NOBOX: variants seen among roughly 807,000 people sequenced by gnomAD.
NOBOX encodes the protein NOBOX oogenesis homeobox.
A neutral mutation model predicts 60.2 loss-of-function variants in NOBOX; 46 were observed. The observed-to-expected ratio is 0.76, with a 90% confidence interval of 0.60 to 0.98. The LOEUF (loss-of-function observed/expected upper bound fraction) is 0.98. Ranked by LOEUF, NOBOX falls within the 50% of genes least tolerant of loss-of-function variation. The pLI, the probability that NOBOX is intolerant of heterozygous loss-of-function variation, is 0.00. For synonymous variants in NOBOX, 360 were observed against 346.3 expected, an observed-to-expected ratio of 1.04 and a Z score of -0.44; for missense variants, 880 against 865.5, an observed-to-expected ratio of 1.02 and a Z score of -0.21.
At position 144,399,868 on chromosome 7, in the gene NOBOX, G is replaced by C. The variant is rs775716064; in HGVS notation, c.1048-5C>G. The C allele has an allele frequency of 1.2e-6, 2 of 1,602,208 alleles. No homozygotes were observed. Among genetic ancestry groups the C allele is most frequent in the South Asian group, 1.1e-5 (1 of 90,324 alleles). ...CCGGCGATTCTGGAACCACACCTAT[G>C]GGGGGAAAGGTGCTTGAAGAACTGG... On this transcript the variant is annotated splice_region_variant and splice_polypyrimidine_tract_variant and intron_variant, in intron 5 of 9. Transcript: ENST00000467773.
At chr7:144,399,936 C>T (rs543598970) in intron 5 of NOBOX, 73 bp from the exon 4 acceptor site, 5 of 1,351,008 alleles carry the variant, frequency 3.7e-6, no homozygotes, top group Middle Eastern at 1.8e-4. Flanking sequence ...GGCTGTTGCA[C>T]AAGGAGCTAC....
intron 1 of NOBOX, among the ~76,000 whole-genome samples, chr7:144,406,892 G>A (rs2053989242): frequency 6.6e-6 from 1 of 152,118 alleles, no homozygotes; most frequent in Non-Finnish European, 1.5e-5. Context: ...ACTTGGGGCT[G>A]TTTCTTCCTA....
At chr7:144,408,404 A>G (rs1054611172) in intron 1 of NOBOX, among the ~76,000 whole-genome samples, 3 of 152,102 alleles carry the variant, frequency 2.0e-5, no homozygotes, top group African/African-American at 7.2e-5. Context: ...CACTGCATAC[A>G]GGCTGAACTG....
In NOBOX at chr7:144,399,104, T is replaced by C. The variant is rs928182623; in HGVS notation, c.1315A>G (p.Thr439Ala). The change falls in exon 8 of 10, where the codon ACC becomes GCC. Residue 439 changes from threonine (T) to alanine (A), a missense_variant. Thr to Ala is a moderately conservative substitution (Grantham distance 58). Coordinates refer to ENST00000467773, the MANE Select transcript of NOBOX (RefSeq NM_001080413.3). Reference sequence around the variant, plus strand: ...GGTGGGGGGCTGAAGAGTGGGGGGGTCACCACCCTCTGAGCACCCTCACTG... The same window carrying C: ...GGTGGGGGGCTGAAGAGTGGGGGGGCCACCACCCTCTGAGCACCCTCACTG... 25 of 1,133,420 alleles carry C rather than the reference T, an allele frequency of 2.2e-5. No individual in the cohort carries two copies. Among genetic ancestry groups the C allele is most frequent in the African/African-American group, 2.2e-4 (14 of 64,130 alleles). The allele number at this position is 1,133,420 out of a possible 1,614,324, so 70.2% of individuals were successfully genotyped here.
chr7:144,401,726 G>T lies in NOBOX; in HGVS notation c.293-129C>A. 1 of 1,065,982 alleles carries T rather than the reference G, an allele frequency of 9.4e-7. No individual in the cohort carries two copies. The highest frequency in any genetic ancestry group is 1.3e-6 in the Non-Finnish European group (1 of 746,552). The allele number at this position is 1,065,982 out of a possible 1,614,324, so 66.0% of individuals were successfully genotyped here. A position where few individuals can be genotyped will look rare whatever the true frequency, so the allele number is the denominator to read the frequency against. ...TTAATTTGTCTACCTATCAAATGGG[G>T]TAATAATTCCACACTTACCTTCCTA... On this transcript the variant is annotated intron_variant, in intron 3 of 9. Transcript: ENST00000467773. The surrounding 1 kb of genome is among the most constrained non-coding windows in gnomAD (Gnocchi z 4.2).
At position 144,399,119 on chromosome 7, in the gene NOBOX, C is replaced by T. The variant is rs749761088; in HGVS notation, c.1300G>A (p.Ala434Thr). Residue 434 changes from alanine to threonine, a missense_variant, in exon 8 of 10, where the codon GCT becomes ACT. Ala to Thr is a moderately conservative substitution (Grantham distance 58). Transcript: ENST00000467773. Reference sequence around the variant, plus strand: ...AGTGGGGGGGTCACCACCCTCTGAGCACCCTCACTGGGTTGGGTGGGGGCC... The same window carrying T: ...AGTGGGGGGGTCACCACCCTCTGAGTACCCTCACTGGGTTGGGTGGGGGCC... 1.3e-6 allele frequency: 2 copies of T among 1,556,216 alleles called. No individual in the cohort carries two copies. The highest frequency in any genetic ancestry group is 1.4e-5 in the African/African-American group (1 of 74,006).
chr7:144,408,567 T>C (rs1286603202), intron 1 of NOBOX, among the ~76,000 whole-genome samples: 1 of 152,208 alleles, frequency 6.6e-6, no homozygotes, highest in African/African-American at 2.4e-5. Flanking sequence ...CCCCATCTTA[T>C]TGAAGAAAAT....
intron 1 of NOBOX, among the ~76,000 whole-genome samples, chr7:144,408,189 G>A (rs918441802): frequency 1.3e-5 from 2 of 149,884 alleles, no homozygotes; most frequent in African/African-American, 4.9e-5. Flanking sequence ...TTTAGAAATC[G>A]CCATGCCTTC....
intron 4 of NOBOX, 119 bp downstream of exon 2, chr7:144,400,927 G>T: frequency 2.6e-6 from 2 of 778,720 alleles, no homozygotes; most frequent in Non-Finnish European, 1.9e-6. Flanking sequence ...AATCCGGGAC[G>T]AAGTGACATA....
At chr7:144,400,935 A>G (rs905573350) in intron 4 of NOBOX, 111 bp downstream of exon 2, 26 of 885,880 alleles carry the variant, frequency 2.9e-5, no homozygotes, top group Non-Finnish European at 4.0e-5. Context: ...ACGAAGTGAC[A>G]TACAAACTAA....
chr7:144,404,716 A>G (rs1352481166), intron 1 of NOBOX: 1 of 1,605,864 alleles, frequency 6.2e-7, no homozygotes, highest in East Asian at 2.2e-5. Flanking sequence ...GTTTCCATCC[A>G]TTTGGTGTTT....
chr7:144,403,859 G>T (rs1448507796), intron 2 of NOBOX, among the ~76,000 whole-genome samples, 166 bp from the exon 1 acceptor site: 4 of 151,806 alleles, frequency 2.6e-5, no homozygotes, highest in African/African-American at 9.7e-5. Context: ...GGGCGAGGCC[G>T]GCCCGGGAGG....
At chr7:144,407,653 C>CA (rs1335046311) in intron 1 of NOBOX, among the ~76,000 whole-genome samples, 2 of 152,216 alleles carry the variant, frequency 1.3e-5, no homozygotes, top group Non-Finnish European at 2.9e-5. Context: ...GAGACACTGG[C>CA]AACTGCCAAA....
At position 144,401,457 on chromosome 7, in the gene NOBOX, C is replaced by A; in HGVS notation, c.433G>T (p.Ala145Ser). 6.3e-7 allele frequency: 1 copy of A among 1,587,454 alleles called. No individual in the cohort carries two copies. Among genetic ancestry groups the A allele is most frequent in the Non-Finnish European group, 8.6e-7 (1 of 1,167,788 alleles). ...GCCCCGGTGGCTTCTCCAGAGACTG[C>A]TGGCGGCTTCTTCTCTCCTGAGATG... Residue 145 changes from alanine (A) to serine (S), a missense_variant, in exon 4 of 10, where the codon GCA (alanine) becomes TCA (serine). Ala to Ser is a moderately conservative substitution (Grantham distance 99). Transcript: ENST00000467773. This position sits in a 1 kb window ranked among gnomAD's most constrained non-coding sequence, Gnocchi z 4.2.
At position 144,399,066 on chromosome 7, in the gene NOBOX, G is replaced by T; in HGVS notation, c.1353C>A (p.Ala451=). ...CAGGGCCAAGGGGGAAAGGAAGATC[G>T]GCCCTTCGCACAGGTGGGGGGCTGA... Residue 451 remains alanine, a synonymous_variant, in exon 8 of 10, where the codon GCC becomes GCA. Transcript: ENST00000467773. The T allele has an allele frequency of 6.7e-7, 1 of 1,501,224 alleles. No homozygotes were observed. Among genetic ancestry groups the T allele is most frequent in the Non-Finnish European group, 9.3e-7 (1 of 1,079,908 alleles). 93.0% of individuals were successfully genotyped at this position (1,501,224 alleles called of 1,614,324 possible).
At chr7:144,403,310 T>A (rs1346429570) in intron 2 of NOBOX, among the ~76,000 whole-genome samples, 1 of 152,174 alleles carries the variant, frequency 6.6e-6, no homozygotes, top group Admixed American at 6.5e-5. Context: ...GCACTGTGGG[T>A]GCTCCGTAAG....
intron 1 of NOBOX, chr7:144,404,713 T>C: frequency 6.2e-7 from 1 of 1,608,992 alleles, no homozygotes; most frequent in Non-Finnish European, 8.5e-7. Context: ...TGTGTTTCCA[T>C]CCATTTGGTG....
chr7:144,400,298 G>C lies in NOBOX; in HGVS notation c.859C>G (p.Leu287Val). ...TGGTCTTCTTGGAATATCTTCTCTAGCTCCTCCAGCTGATCTGAAAGAAGA... is the reference window on the plus strand; with the variant it reads ...TGGTCTTCTTGGAATATCTTCTCTACCTCCTCCAGCTGATCTGAAAGAAGA... Residue 287 changes from leucine (L) to valine (V), a missense_variant, in exon 5 of 10, where the codon CTA (leucine) becomes GTA (valine). By Grantham distance (32) the Leu-to-Val change is conservative (BLOSUM62 1). Transcript: ENST00000467773. 6.2e-7 allele frequency: 1 copy of C among 1,613,948 alleles called. No individual in the cohort carries two copies. The highest frequency in any genetic ancestry group is 8.5e-7 in the Non-Finnish European group (1 of 1,179,824).
chr7:144,398,130 G>A (rs886149913), intron 9 of NOBOX, among the ~76,000 whole-genome samples, 152 bp downstream of exon 7: 5 of 152,138 alleles, frequency 3.3e-5, no homozygotes, highest in African/African-American at 7.2e-5. Flanking sequence ...TGCAGAATTC[G>A]AGGGAGAAGA....
Sources: gnomAD v4.1 joint callset for allele counts (sites outside exome capture counted in the v4.1 genomes callset) on GRCh38, gnomAD v4.1.1 for gene constraint, Gnocchi (gnomAD v3.1) non-coding constraint, MANE v1.5 for transcripts, NCBI Gene and HGNC (gene_info 2026-07-23, HGNC 2026-07-21) for gene names.